The following SEMA5A variants were observed in gnomAD, a reference collection of about 807,000 sequenced individuals.
SEMA5A encodes the protein semaphorin-5A.
Under a neutral mutation model 135.5 loss-of-function variants are expected in SEMA5A, and 55 were observed. The ratio of observed to expected loss-of-function variants is 0.41; its 90% CI spans 0.33 to 0.51. SEMA5A has a LOEUF of 0.51. Ranked by LOEUF, SEMA5A falls within the 20% of genes least tolerant of loss-of-function variation. The pLI, the probability that SEMA5A is intolerant of heterozygous loss-of-function variation, is 0.37. For missense variants in SEMA5A, 1,290 were observed against 1,419.9 expected (o/e 0.91, Z 1.47); for synonymous variants, 580 against 546.5 (o/e 1.06, Z -0.85).
intron 22 of SEMA5A, among the ~76,000 whole-genome samples, chr5:9,043,950 C>T (rs933507105): frequency 1.2e-4 from 19 of 152,152 alleles, no homozygotes; most frequent in African/African-American, 3.6e-4. Context: ...GGAAGGAGCT[C>T]GTGTTCCTCT....
chr5:9,114,017 T>C (rs1368552205), intron 15 of SEMA5A, among the ~76,000 whole-genome samples: 1 of 152,216 alleles, frequency 6.6e-6, no homozygotes, highest in African/African-American at 2.4e-5. Context: ...CAGTACAGCA[T>C]TGACAATAGT....
intron 1 of SEMA5A, among the ~76,000 whole-genome samples, chr5:9,455,513 C>A (rs1758802570): frequency 1.3e-5 from 2 of 152,118 alleles, no homozygotes; most frequent in Admixed American, 6.5e-5. Context: ...GCCTCGGCCT[C>A]CCAAAGTGCT....
At chr5:9,069,599 T>C (rs1737663737) in intron 16 of SEMA5A, among the ~76,000 whole-genome samples, 1 of 152,210 alleles carries the variant, frequency 6.6e-6, no homozygotes, top group South Asian at 2.1e-4. Flanking sequence ...TTTTTATTTT[T>C]TTTACAGCGG....
intron 2 of SEMA5A, among the ~76,000 whole-genome samples, chr5:9,398,805 A>G (rs1364688751): frequency 1.3e-5 from 2 of 152,238 alleles, no homozygotes; most frequent in East Asian, 3.8e-4. Flanking sequence ...GGCAAAGTGA[A>G]CCTTCTAGCA....
intron 5 of SEMA5A, among the ~76,000 whole-genome samples, chr5:9,274,744 C>T (rs931165710): frequency 3.9e-5 from 6 of 152,052 alleles, no homozygotes; most frequent in Middle Eastern, 3.2e-3. Flanking sequence ...GGGTAAATAA[C>T]GAAATGATGG....
At chr5:9,173,248 T>G (rs887946235) in intron 11 of SEMA5A, among the ~76,000 whole-genome samples, 1 of 151,226 alleles carries the variant, frequency 6.6e-6, no homozygotes. Flanking sequence ...GTCAGAAAAT[T>G]CCAGACAGGG....
intron 5 of SEMA5A, among the ~76,000 whole-genome samples, chr5:9,312,078 A>G (rs1377795638): frequency 2.0e-5 from 3 of 152,188 alleles, no homozygotes; most frequent in East Asian, 3.8e-4. Context: ...TTCAGTGAGC[A>G]TCTACCTCCA....
chr5:9,167,114 C>T (rs145549544), intron 11 of SEMA5A, among the ~76,000 whole-genome samples: 1 of 152,268 alleles, frequency 6.6e-6, no homozygotes, highest in African/African-American at 2.4e-5. Context: ...AGAGAGCTCT[C>T]TTACTCAGTG....
At chr5:9,484,202 A>G (rs1312185582) in intron 1 of SEMA5A, among the ~76,000 whole-genome samples, 5 of 152,238 alleles carry the variant, frequency 3.3e-5, no homozygotes, top group Admixed American at 2.0e-4. Context: ...TTCAAGGATT[A>G]GGGCAAAGTA....
rs188749150 is a variant in SEMA5A at position 9,360,169 on chromosome 5, C to T, written c.124+19654G>A. Among the ~76,000 whole-genome samples the T allele has an allele frequency of 2.2e-4, 34 of 152,266 alleles. 1 individual carries two copies. The East Asian group carries it at 4.6e-3, about 21-fold the overall frequency. The stretch of plus-strand genomic sequence containing the variant: ...TTAACCTCTGCAGTAGGTCATCCTA[C>T]TTCATCTGTACTGTTAGTAAATTAA... On this transcript the variant is annotated intron_variant, in intron 3 of 22. Transcript: ENST00000382496.
Position 9,400,517 on chromosome 5 carries a change from T to TATTATAA in SEMA5A, c.-77-20495_-77-20494insTTATAAT, listed in dbSNP as rs2126564560. ...ACAATGTACATTTTTTTTTTTTTTTTTTTTTTTGAGACGGAGTCTCGCTCT... is the reference window on the plus strand; with the variant it reads ...ACAATGTACATTTTTTTTTTTTTTTTATTATAATTTTTTTGAGACGGAGTCTCGCTCT... On this transcript the variant is annotated intron_variant, in intron 2 of 22. Coordinates refer to ENST00000382496, the MANE Select transcript of SEMA5A (RefSeq NM_003966.3). Among the ~76,000 whole-genome samples the TATTATAA allele has an allele frequency of 5.4e-5, 3 of 55,632 alleles. 1 individual carries two copies. Among genetic ancestry groups the TATTATAA allele is most frequent in the South Asian group, 1.3e-3 (2 of 1,504 alleles). 36.5% of individuals were successfully genotyped at this position (55,632 alleles called of 152,430 possible).
chr5:9,052,037 A>T lies in SEMA5A; in HGVS notation c.2690-9T>A, dbSNP rs758805982. 6.3e-7 allele frequency: 1 copy of T among 1,579,296 alleles called. No individual in the cohort carries two copies. The highest frequency in any genetic ancestry group is 8.6e-7 in the Non-Finnish European group (1 of 1,161,084). On this transcript the variant is annotated splice_polypyrimidine_tract_variant and intron_variant, in intron 19 of 22. Coordinates refer to ENST00000382496, the MANE Select transcript of SEMA5A (RefSeq NM_003966.3). ...CCACTCCGACCAGCTCTCTGCAGAG[A>T]CCAGAAAAGGGGAGATGGGGCGGAA... is the stretch of plus-strand genomic sequence containing the variant.
At chr5:9,296,902 C>CAAAAAAAAAA (rs34923583) in intron 5 of SEMA5A, among the ~76,000 whole-genome samples, 1 of 134,682 alleles carries the variant, frequency 7.4e-6, no homozygotes, top group Non-Finnish European at 1.6e-5. Flanking sequence ...ACTGTGATCT[C>CAAAAAAAAAA]AAAAAAAAAA....
chr5:9,315,926 T>C (rs1239322619), intron 5 of SEMA5A, among the ~76,000 whole-genome samples: 2 of 152,208 alleles, frequency 1.3e-5, no homozygotes, highest in Non-Finnish European at 2.9e-5. Context: ...ATCCTGGCTG[T>C]CATCAAACTC....
At chr5:9,352,699 A>G (rs1447924403) in intron 3 of SEMA5A, among the ~76,000 whole-genome samples, 1 of 152,248 alleles carries the variant, frequency 6.6e-6, no homozygotes, top group East Asian at 1.9e-4. Flanking sequence ...TTTATGAAAT[A>G]TAAGTATTAG....
intron 16 of SEMA5A, among the ~76,000 whole-genome samples, chr5:9,081,235 C>G (rs1738366516): frequency 6.6e-6 from 1 of 152,170 alleles, no homozygotes; most frequent in African/African-American, 2.4e-5. Flanking sequence ...ACAGAAAAGA[C>G]TGTAGCTCTG....
intron 1 of SEMA5A, among the ~76,000 whole-genome samples, chr5:9,521,942 C>T (rs530615116): frequency 6.6e-5 from 10 of 152,258 alleles, no homozygotes; most frequent in African/African-American, 1.9e-4. Context: ...CAGGATCCTC[C>T]CTCCCTCTCT....
intron 11 of SEMA5A, among the ~76,000 whole-genome samples, chr5:9,158,144 G>T (rs1579505521): frequency 1.3e-5 from 2 of 152,130 alleles, no homozygotes; most frequent in East Asian, 3.9e-4. Flanking sequence ...AGTGTAGCCA[G>T]CCTGGAATGA....
chr5:9,183,549 G>A (rs932102953), intron 11 of SEMA5A, among the ~76,000 whole-genome samples: 2 of 152,294 alleles, frequency 1.3e-5, no homozygotes, highest in Non-Finnish European at 2.9e-5. Context: ...GTCAGCCACG[G>A]GGGCAGCTGA....
Sources: gnomAD v4.1 joint callset for allele counts (sites outside exome capture counted in the v4.1 genomes callset) on GRCh38, gnomAD v4.1.1 for gene constraint, MANE v1.5 for transcripts, NCBI Gene and HGNC (gene_info 2026-07-23, HGNC 2026-07-21) for gene names.